Variants in OXNAD1 observed in about 807,000 individuals in gnomAD.
The protein encoded by OXNAD1 is oxidoreductase NAD binding domain containing 1.
OXNAD1 carries 34 observed loss-of-function variants against 32.9 expected under a neutral mutation model. That is an observed-to-expected ratio of 1.03 (90% confidence interval 0.79 to 1.38). The LOEUF (loss-of-function observed/expected upper bound fraction) is 1.38. OXNAD1 is among the 40% of genes most tolerant of loss of function. OXNAD1 has a pLI of 0.00. For missense variants in OXNAD1, 407 were observed against 379.4 expected (o/e 1.07, Z -0.60); for synonymous variants, 134 against 135.2 (o/e 0.99, Z 0.06).
At chr3:16,313,042 A>G (rs2068077766) in intron 9 of OXNAD1, among the ~76,000 whole-genome samples, 1 of 145,822 alleles carries the variant, frequency 6.9e-6, no homozygotes, top group Admixed American at 6.7e-5. Flanking sequence ...CGCCCATGTC[A>G]AGATCCATCT....
Position 16,345,264 on chromosome 3 carries a change from TTGTG to T in OXNAD1, c.*31-3878_*31-3875del, listed in dbSNP as rs10703577. On this transcript the variant is annotated intron_variant, in intron 9 of 9. Coordinates refer to the OXNAD1 transcript ENST00000606098. This position sits in a 1 kb window ranked among gnomAD's most constrained non-coding sequence, Gnocchi z 5.2. The stretch of plus-strand genomic sequence containing the variant: ...AAACTGTAAGATAATAAGTAGGTGG[TTGTG>T]TGTGTGTGTGTGTGTGTGTGTGTGT... 0.35 allele frequency: 50,292 copies of T among 145,666 alleles called. 9,413 individuals carry two copies. Among genetic ancestry groups the T allele is most frequent in the East Asian group, 0.44 (2,201 of 4,970 alleles). 9.0% of individuals were successfully genotyped at this position (145,666 alleles called of 1,614,324 possible).
At chr3:16,270,860 T>A in intron 2 of OXNAD1, 85 bp from the exon 3 acceptor site, 7 of 1,565,116 alleles carry the variant, frequency 4.5e-6, no homozygotes, top group Non-Finnish European at 5.2e-6. Context: ...AAATCCACAC[T>A]CTTCCTCACT....
chr3:16,271,243 G>T lies in OXNAD1; in HGVS notation c.119+172G>T. The stretch of plus-strand genomic sequence containing the variant: ...GTCTGAGATGGAGTCTTGCTCCGTC[G>T]CCTGGGCTGGAGTGCAGTGGCACGA... On this transcript the variant is annotated intron_variant, in intron 3 of 8. Coordinates refer to ENST00000285083, the MANE Select transcript of OXNAD1 (RefSeq NM_138381.5). This position sits in a 1 kb window ranked among gnomAD's most constrained non-coding sequence, Gnocchi z 4.6. 1.3e-6 allele frequency: 1 copy of T among 771,626 alleles called. No individual in the cohort carries two copies. The highest frequency in any genetic ancestry group is 1.8e-5 in the South Asian group (1 of 54,796). 47.8% of individuals were successfully genotyped at this position (771,626 alleles called of 1,614,324 possible). A position where few individuals can be genotyped will look rare whatever the true frequency, so the allele number is the denominator to read the frequency against.
chr3:16,298,959 A>G lies in OXNAD1; in HGVS notation c.433-2667A>G, dbSNP rs1003595766. On this transcript the variant is annotated intron_variant, in intron 6 of 8. Coordinates refer to ENST00000285083, the MANE Select transcript of OXNAD1 (RefSeq NM_138381.5). This position sits in a 1 kb window ranked among gnomAD's most constrained non-coding sequence, Gnocchi z 5.1. Reference sequence around the variant, plus strand: ...AACAAAAAGACAAAGATGGCTTTTAATTCTTCCCGGATGCTACCAAATCAG... The same window carrying G: ...AACAAAAAGACAAAGATGGCTTTTAGTTCTTCCCGGATGCTACCAAATCAG... 5.3e-5 allele frequency among the ~76,000 whole-genome samples: 8 copies of G among 152,202 alleles called. No homozygotes were observed.
rs117687158 is a variant in OXNAD1, at chr3:16,296,936, A to T, written c.432+1939A>T. ...GGATATTTGGAACTTGAGGGTAGGT[A>T]AAATTCTTAAACACAATACCAAAAG... is the stretch of plus-strand genomic sequence containing the variant. On this transcript the variant is annotated intron_variant, in intron 6 of 8. Coordinates refer to ENST00000285083, the MANE Select transcript of OXNAD1 (RefSeq NM_138381.5). Among the ~76,000 whole-genome samples, 168 of 152,336 alleles carry T rather than the reference A, an allele frequency of 1.1e-3. 2 individuals are homozygous for T. In the East Asian group the frequency reaches 0.03, roughly 28 times the overall value.
chr3:16,332,260 G>A (rs2070392058), intron 9 of OXNAD1, among the ~76,000 whole-genome samples: 2 of 151,718 alleles, frequency 1.3e-5, no homozygotes, highest in South Asian at 4.2e-4. Flanking sequence ...TGTGATAAAT[G>A]TTTTAATTTT....
chr3:16,334,318 G>T lies in OXNAD1; in HGVS notation c.*31-2794G>T, dbSNP rs545192374. ...GTTCTTGTACATTGCTAGTGGAAGGGCTCATTGATTCAACCCTCCTGGAGA... is the reference window on the plus strand; with the variant it reads ...GTTCTTGTACATTGCTAGTGGAAGGTCTCATTGATTCAACCCTCCTGGAGA... On this transcript the variant is annotated intron_variant, in intron 9 of 9. Transcript: ENST00000435829. This position sits in a 1 kb window ranked among gnomAD's most constrained non-coding sequence, Gnocchi z 4.3. Among the ~76,000 whole-genome samples the T allele has an allele frequency of 7.0e-4, 107 of 152,330 alleles. No homozygotes were observed. The highest frequency in any genetic ancestry group is 1.2e-3 in the South Asian group (6 of 4,826).
At chr3:16,319,516 C>G (rs1482743536) in intron 9 of OXNAD1, among the ~76,000 whole-genome samples, 1 of 152,166 alleles carries the variant, frequency 6.6e-6, no homozygotes, top group Non-Finnish European at 1.5e-5. Context: ...GTGAATAGCG[C>G]CCTCTGCTGT....
chr3:16,268,744 TA>T, intron 1 of OXNAD1, among the ~76,000 whole-genome samples: 1 of 152,174 alleles, frequency 6.6e-6, no homozygotes, highest in South Asian at 2.1e-4. Context: ...ATTTTAGCAA[TA>T]GTTGTCTAAA....
rs1401494073 is a variant in OXNAD1 at position 16,320,135 on chromosome 3, C to T, written c.*30+16543C>T. 6.6e-6 allele frequency among the ~76,000 whole-genome samples: 1 copy of T among 152,184 alleles called. No individual in the cohort carries two copies. The highest frequency in any genetic ancestry group is 1.9e-4 in the East Asian group (1 of 5,206). ...AGCAGGAGCCAATGGATTTAATTTG[C>T]ACATTTTAAAAACTGCCCATGATGT... On this transcript the variant is annotated intron_variant, in intron 9 of 9. Transcript: ENST00000435829. The surrounding 1 kb of genome is among the most constrained non-coding windows in gnomAD (Gnocchi z 4.5).
In OXNAD1 at chr3:16,312,045, G is replaced by C. The variant is rs1414576875; in HGVS notation, c.*30+8453G>C. Among the ~76,000 whole-genome samples the C allele has an allele frequency of 5.9e-5, 9 of 152,176 alleles. No individual in the cohort carries two copies. The highest frequency in any genetic ancestry group is 1.2e-4 in the African/African-American group (5 of 41,438). ...ACATGCCGCTGTTGTGCAAGGGCTG[G>C]GGAAGCAAGCACCAGCCAGGTTCAG... is the stretch of plus-strand genomic sequence containing the variant. On this transcript the variant is annotated intron_variant, in intron 9 of 9. Coordinates refer to the OXNAD1 transcript ENST00000435829. This position sits in a 1 kb window ranked among gnomAD's most constrained non-coding sequence, Gnocchi z 4.7.
downstream of OXNAD1, among the ~76,000 whole-genome samples, chr3:16,310,282 C>G (rs2067875677): frequency 6.6e-6 from 1 of 152,036 alleles, no homozygotes; most frequent in South Asian, 2.1e-4. Context: ...GTTCTTTCTT[C>G]TAAGTTGATT....
At chr3:16,275,521 A>T (rs1022196430) in intron 4 of OXNAD1, 4 of 152,482 alleles carry the variant, frequency 2.6e-5, no homozygotes, top group Non-Finnish European at 5.9e-5. Flanking sequence ...GTAAGCTATT[A>T]TGGTGCCACT....
At position 16,314,494 on chromosome 3, in the gene OXNAD1, C is replaced by T. The variant is rs1347230267; in HGVS notation, c.*30+10902C>T. The stretch of plus-strand genomic sequence containing the variant: ...CACGCCACTCCCCAGATCATTCATT[C>T]ACAAGCTCTGCAGGCGAGCCCCGGC... On this transcript the variant is annotated intron_variant, in intron 9 of 9. Coordinates refer to the OXNAD1 transcript ENST00000435829. The surrounding 1 kb of genome is among the most constrained non-coding windows in gnomAD (Gnocchi z 4.4). 2 of 152,206 alleles carry T rather than the reference C, an allele frequency of 1.3e-5. No individual in the cohort carries two copies. Among genetic ancestry groups the T allele is most frequent in the Non-Finnish European group, 2.9e-5 (2 of 68,050 alleles). 9.4% of individuals were successfully genotyped at this position (152,206 alleles called of 1,614,324 possible).
rs902499181 is a variant in OXNAD1, at chr3:16,320,031, G to T, written c.*30+16439G>T. On this transcript the variant is annotated intron_variant, in intron 9 of 9. Coordinates refer to the OXNAD1 transcript ENST00000435829. This position sits in a 1 kb window ranked among gnomAD's most constrained non-coding sequence, Gnocchi z 4.5. Reference sequence around the variant, plus strand: ...GGTGTGTCACCAAATCCAATTAGCCGCCCAATTCAGAAATAACTGTCTAAA... The same window carrying T: ...GGTGTGTCACCAAATCCAATTAGCCTCCCAATTCAGAAATAACTGTCTAAA... Among the ~76,000 whole-genome samples, 2 of 152,198 alleles carry T rather than the reference G, an allele frequency of 1.3e-5. No individual in the cohort carries two copies. The highest frequency in any genetic ancestry group is 3.2e-3 in the Middle Eastern group (1 of 316).
chr3:16,345,830 GCGCGCACGCGCACA>G lies in OXNAD1; in HGVS notation c.*31-3345_*31-3332del, dbSNP rs747338035. Among the ~76,000 whole-genome samples, 11,775 of 81,274 alleles carry G rather than the reference GCGCGCACGCGCACA, an allele frequency of 0.14. 569 individuals carry two copies. Among genetic ancestry groups the G allele is most frequent in the Middle Eastern group, 0.23 (39 of 172 alleles). The allele number at this position is 81,274 out of a possible 152,430, so 53.3% of individuals were successfully genotyped here. A position where few individuals can be genotyped will look rare whatever the true frequency, so the allele number is the denominator to read the frequency against. ...TGTGTGTGTGTGTGCGCGCGCGCGT[GCGCGCACGCGCACA>G]TGTGCATGTGTATGTGTATAATCTC... On this transcript the variant is annotated intron_variant, in intron 9 of 9. Transcript: ENST00000606098. This position sits in a 1 kb window ranked among gnomAD's most constrained non-coding sequence, Gnocchi z 5.2.
Position 16,317,250 on chromosome 3 carries a change from TG to T in OXNAD1, c.*30+13662del. The T allele has an allele frequency of 1.2e-6, 2 of 1,608,948 alleles. No individual in the cohort carries two copies. On this transcript the variant is annotated intron_variant, in intron 9 of 9. Transcript: ENST00000435829. This position sits in a 1 kb window ranked among gnomAD's most constrained non-coding sequence, Gnocchi z 4.3. ...CACTGAAACTAGAAATCAGAAAGGA[TG>T]GGGATAAATAACAAGCCTCCGGGAA... is the stretch of plus-strand genomic sequence containing the variant.
chr3:16,338,084 A>C (rs919569480), downstream of OXNAD1, among the ~76,000 whole-genome samples: 1 of 152,278 alleles, frequency 6.6e-6, no homozygotes, highest in African/African-American at 2.4e-5. This position sits in a 1 kb window ranked among gnomAD's most constrained non-coding sequence, Gnocchi z 5.3. Flanking sequence ...CTGCATGTGC[A>C]AGATAACATT....
In OXNAD1 at chr3:16,316,282, G is replaced by T. The variant is rs781007349; in HGVS notation, c.*30+12690G>T. On this transcript the variant is annotated intron_variant, in intron 9 of 9. Transcript: ENST00000435829. The surrounding 1 kb of genome is among the most constrained non-coding windows in gnomAD (Gnocchi z 4.5). ...ACTATTTTGAGAAAAGCTGGGAGGC[G>T]GAGCACCTCCCCTCCCCAATGTCAT... is the stretch of plus-strand genomic sequence containing the variant. 17 of 158,522 alleles carry T rather than the reference G, an allele frequency of 1.1e-4. No individual in the cohort carries two copies. The highest frequency in any genetic ancestry group is 1.9e-4 in the Non-Finnish European group (14 of 72,590). The allele number at this position is 158,522 out of a possible 1,614,324, so 9.8% of individuals were successfully genotyped here.
Sources: allele counts gnomAD v4.1 joint callset (sites outside exome capture counted in the v4.1 genomes callset), GRCh38; gene constraint gnomAD v4.1.1; non-coding constraint Gnocchi (gnomAD v3.1); transcripts MANE v1.5; gene names NCBI Gene and HGNC (gene_info 2026-07-23, HGNC 2026-07-21).